Variants in PTPRD observed in about 807,000 individuals in gnomAD.
The protein encoded by PTPRD is protein tyrosine phosphatase receptor type D, also known as receptor-type tyrosine-protein phosphatase delta.
A neutral mutation model predicts 214.5 loss-of-function variants in PTPRD; 34 were observed. The observed-to-expected ratio is 0.16, with a 90% CI of 0.12 to 0.21. PTPRD has a LOEUF of 0.21. Ranked by LOEUF, PTPRD falls within the 10% of genes least tolerant of loss-of-function variation. The pLI, the probability that PTPRD is intolerant of heterozygous loss-of-function variation, is 1.00. For synonymous variants in PTPRD, 1,128 were observed against 845.7 expected (o/e 1.33, Z -5.79); for missense variants, 2,545 against 2,398.7 (o/e 1.06, Z -1.27).
intron 3 of PTPRD, among the ~76,000 whole-genome samples, chr9:10,297,360 C>T (rs887919005): frequency 8.6e-5 from 13 of 151,686 alleles, no homozygotes; most frequent in South Asian, 2.1e-4. Context: ...TTTTGTATAT[C>T]CCTTTGCACA....
intron 5 of PTPRD, among the ~76,000 whole-genome samples, chr9:9,797,345 A>T (rs574636898): frequency 6.6e-6 from 1 of 150,734 alleles, no homozygotes; most frequent in African/African-American, 2.4e-5. Context: ...ATAAGAAAAT[A>T]CTATAAATTA....
chr9:10,296,107 T>A lies in PTPRD; in HGVS notation c.-545+44856A>T, dbSNP rs542164871. On this transcript the variant is annotated intron_variant, in intron 3 of 45. Coordinates refer to ENST00000381196, the MANE Select transcript of PTPRD (RefSeq NM_002839.4). ...GGGAGAAAGCACAAGATTATGCCCA[T>A]AAAGATGATTCAAAGTATACACAAT... Among the ~76,000 whole-genome samples the A allele has an allele frequency of 1.8e-3, 275 of 152,172 alleles. 6 individuals carry two copies. The highest frequency in any genetic ancestry group is 0.014 in the Middle Eastern group (4 of 294).
At chr9:8,627,881 C>G (rs1164092022) in intron 14 of PTPRD, among the ~76,000 whole-genome samples, 1 of 151,870 alleles carries the variant, frequency 6.6e-6, no homozygotes, top group African/African-American at 2.4e-5. Context: ...AGCGTCTGTT[C>G]ACTTAAAGTG....
At chr9:8,976,499 C>T (rs1225437143) in intron 11 of PTPRD, among the ~76,000 whole-genome samples, 1 of 151,920 alleles carries the variant, frequency 6.6e-6, no homozygotes, top group Non-Finnish European at 1.5e-5. Flanking sequence ...AATGGAAAAA[C>T]ATATATAAAG....
At chr9:10,540,525 T>C (rs2058868126) in intron 2 of PTPRD, among the ~76,000 whole-genome samples, 1 of 152,188 alleles carries the variant, frequency 6.6e-6, no homozygotes, top group African/African-American at 2.4e-5. Flanking sequence ...AGTAGTAGTT[T>C]TGGAGTTTTT....
intron 3 of PTPRD, among the ~76,000 whole-genome samples, chr9:10,312,025 G>C (rs2096279366): frequency 6.6e-6 from 1 of 151,714 alleles, no homozygotes; most frequent in African/African-American, 2.4e-5. Flanking sequence ...TGACCAATAA[G>C]GTCTCATCTC....
chr9:8,831,285 G>T (rs2097285018), intron 11 of PTPRD, among the ~76,000 whole-genome samples: 1 of 152,132 alleles, frequency 6.6e-6, no homozygotes, highest in Admixed American at 6.6e-5. Flanking sequence ...TCTACCTCTT[G>T]AATCCTAGGA....
intron 3 of PTPRD, among the ~76,000 whole-genome samples, chr9:10,319,272 C>A (rs1391313223): frequency 1.3e-5 from 2 of 152,054 alleles, no homozygotes; most frequent in Admixed American, 6.6e-5. Context: ...CAAACAACTG[C>A]ACTTAACAGT....
chr9:10,288,815 T>C (rs901510752), intron 3 of PTPRD, among the ~76,000 whole-genome samples: 1 of 152,070 alleles, frequency 6.6e-6, no homozygotes, highest in Non-Finnish European at 1.5e-5. Context: ...AAAACTTTTT[T>C]TCTGCTTTTT....
chr9:9,872,455 G>T (rs941197814), intron 5 of PTPRD, among the ~76,000 whole-genome samples: 11 of 152,030 alleles, frequency 7.2e-5, no homozygotes, highest in Non-Finnish European at 1.5e-4. Context: ...ATTTTAATTA[G>T]CTGGGCATGG....
At chr9:9,972,306 CT>C (rs1330406980) in intron 4 of PTPRD, among the ~76,000 whole-genome samples, 1 of 152,170 alleles carries the variant, frequency 6.6e-6, no homozygotes, top group East Asian at 1.9e-4. Context: ...AAACTTGCCC[CT>C]ATTTTTGCTC....
chr9:9,878,126 G>C (rs2067459386), intron 5 of PTPRD, among the ~76,000 whole-genome samples: 1 of 152,054 alleles, frequency 6.6e-6, no homozygotes, highest in Admixed American at 6.6e-5. Context: ...CCTCTTCTCA[G>C]GACATCCAGC....
At chr9:8,955,767 C>G (rs531186927) in intron 11 of PTPRD, among the ~76,000 whole-genome samples, 140 of 151,684 alleles carry the variant, frequency 9.2e-4, no homozygotes, top group African/African-American at 3.1e-3. Flanking sequence ...AAAAGTCTTT[C>G]ACACACATCT....
At chr9:9,650,399 C>A (rs1009981658) in intron 7 of PTPRD, among the ~76,000 whole-genome samples, 4 of 152,182 alleles carry the variant, frequency 2.6e-5, no homozygotes, top group Non-Finnish European at 5.9e-5. Context: ...GTTGAACCAA[C>A]CTTGTTTCCC....
chr9:9,711,598 C>T (rs2097731183), intron 7 of PTPRD, among the ~76,000 whole-genome samples: 1 of 152,106 alleles, frequency 6.6e-6, no homozygotes, highest in African/African-American at 2.4e-5. Flanking sequence ...GCTATGTCCA[C>T]TTTATTCCAG....
At chr9:9,343,468 T>A (rs2047622524) in intron 9 of PTPRD, among the ~76,000 whole-genome samples, 1 of 152,200 alleles carries the variant, frequency 6.6e-6, no homozygotes, top group African/African-American at 2.4e-5. Context: ...ATTTCTCTAA[T>A]GACCAGTGAT....
At chr9:10,332,243 A>T (rs2096764399) in intron 3 of PTPRD, among the ~76,000 whole-genome samples, 1 of 151,850 alleles carries the variant, frequency 6.6e-6, no homozygotes, top group Non-Finnish European at 1.5e-5. Context: ...ATATACCATA[A>T]ATACCATGAG....
At chr9:10,036,920 T>G (rs2097194872) in intron 3 of PTPRD, among the ~76,000 whole-genome samples, 1 of 144,516 alleles carries the variant, frequency 6.9e-6, no homozygotes, top group East Asian at 2.2e-4. Context: ...CACCTCACTC[T>G]GTTGCTCAAG....
chr9:8,784,733 T>C (rs2095867744), intron 11 of PTPRD, among the ~76,000 whole-genome samples: 2 of 152,134 alleles, frequency 1.3e-5, no homozygotes, highest in South Asian at 4.1e-4. Flanking sequence ...TTTCTCTACA[T>C]CCACATTAGT....
Sources: gnomAD v4.1 joint callset for allele counts (sites outside exome capture counted in the v4.1 genomes callset) on GRCh38, gnomAD v4.1.1 for gene constraint, MANE v1.5 for transcripts, NCBI Gene and HGNC (gene_info 2026-07-23, HGNC 2026-07-21) for gene names.